Variants in HECTD4 observed in about 807,000 individuals in gnomAD.
HECTD4 encodes HECT domain E3 ubiquitin protein ligase 4.
A neutral mutation model predicts 471.5 loss-of-function variants in HECTD4; 114 were observed. The observed-to-expected ratio is 0.24, with a 90% CI of 0.21 to 0.28. HECTD4 has a LOEUF of 0.28. Among genes scored for constraint, HECTD4 ranks in the 10% least tolerant of loss-of-function variants. The probability of loss-of-function intolerance (pLI) is 1.00; values close to 1 mark genes in which losing one functional copy is unlikely to be tolerated. For synonymous variants in HECTD4, 2,012 were observed against 2,256.0 expected (o/e 0.89, Z 3.07); for missense variants, 3,866 against 5,651.5 (o/e 0.68, Z 10.13).
Position 112,306,234 on chromosome 12 carries a change from C to T in HECTD4, c.1165G>A (p.Val389Met), listed in dbSNP as rs2035268447. 6.5e-7 allele frequency: 1 copy of T among 1,538,886 alleles called. No homozygotes were observed. Among genetic ancestry groups the T allele is most frequent in the Non-Finnish European group, 8.7e-7 (1 of 1,146,162 alleles). The change falls in exon 7 of 76, where the codon GTG (valine) becomes ATG (methionine). Residue 389 changes from valine to methionine, a missense_variant and splice_region_variant. This residue lies in a region of HECTD4 where 440 missense variants were observed against 636.0 expected (regional missense o/e 0.69). Coordinates refer to ENST00000682272, the MANE Select transcript of HECTD4 (RefSeq NM_001388303.1). ...GCTGGCATTGGCACCACCTGGCACACCTGGGCATGAAAGGGAGGAAATCTC... is the reference window on the plus strand; with the variant it reads ...GCTGGCATTGGCACCACCTGGCACATCTGGGCATGAAAGGGAGGAAATCTC... ...FQVIDQNTLQ[V>M]CQVVPMPANH...
chr12:112,212,293 T>G (rs1184722869), intron 49 of HECTD4, among the ~76,000 whole-genome samples, 194 bp downstream of exon 49: 1 of 152,224 alleles, frequency 6.6e-6, no homozygotes, highest in African/African-American at 2.4e-5. Flanking sequence ...TGATATAGCA[T>G]TGTTCAAGCT....
At chr12:112,214,202 T>G (rs11066195) in intron 48 of HECTD4, among the ~76,000 whole-genome samples, 32,174 of 152,022 alleles carry the variant, frequency 0.21, 5,493 homozygotes, top group East Asian at 0.85. Flanking sequence ...CTGGACACTG[T>G]GGTAGGACTT....
chr12:112,328,844 C>T (rs1238147939), intron 1 of HECTD4, among the ~76,000 whole-genome samples: 1 of 152,178 alleles, frequency 6.6e-6, no homozygotes, highest in Admixed American at 6.5e-5. Flanking sequence ...TGAGTTTTAG[C>T]CTCTAACTGG....
At chr12:112,290,245 G>A (rs1035728053) in intron 7 of HECTD4, among the ~76,000 whole-genome samples, 7 of 151,598 alleles carry the variant, frequency 4.6e-5, no homozygotes, top group Admixed American at 6.6e-5. Context: ...ACTTGAGCCC[G>A]GGAGGTTGAG....
At chr12:112,262,544 A>AAAAAAAAAAAAAT in intron 17 of HECTD4, among the ~76,000 whole-genome samples, 1 of 147,664 alleles carries the variant, frequency 6.8e-6, no homozygotes, top group African/African-American at 2.5e-5. Flanking sequence ...AAAAAAAAAG[A>AAAAAAAAAAAAAT]ATCTACTAAG....
chr12:112,198,701 C>T (rs1489107279), intron 55 of HECTD4, among the ~76,000 whole-genome samples: 1 of 152,142 alleles, frequency 6.6e-6, no homozygotes, highest in East Asian at 1.9e-4. Flanking sequence ...AATTCAGATT[C>T]CACCTCACAC....
intron 58 of HECTD4, 39 bp from the exon 59 acceptor site, chr12:112,192,804 A>G (rs1412673347): frequency 1.3e-6 from 2 of 1,493,724 alleles, no homozygotes; most frequent in African/African-American, 1.4e-5. Flanking sequence ...TACAGGGTCT[A>G]GCCATGCACA....
At chr12:112,280,784 CTTTT>C (rs569956040) in intron 8 of HECTD4, among the ~76,000 whole-genome samples, 4 of 115,236 alleles carry the variant, frequency 3.5e-5, no homozygotes, top group Admixed American at 9.1e-5. Context: ...GGAATAAAAA[CTTTT>C]TTTTTTTTTT....
intron 19 of HECTD4, 48 bp from the exon 20 acceptor site, chr12:112,258,644 T>C: frequency 6.7e-7 from 1 of 1,482,042 alleles, no homozygotes; most frequent in South Asian, 1.3e-5. Flanking sequence ...CTGTCAGTTA[T>C]CTGAATGGTA....
At chr12:112,258,902 A>G in intron 19 of HECTD4, 1 of 582,396 alleles carries the variant, frequency 1.7e-6, no homozygotes, top group Non-Finnish European at 2.9e-6. Flanking sequence ...ACTTGCTAAA[A>G]GGTTGCAGTT....
intron 44 of HECTD4, among the ~76,000 whole-genome samples, chr12:112,222,298 C>T (rs1432499716): frequency 1.3e-5 from 2 of 152,130 alleles, no homozygotes; most frequent in Non-Finnish European, 2.9e-5. Context: ...CTCAGGTAAT[C>T]CACCTACCTC....
chr12:112,303,457 G>A (rs1236309306), intron 7 of HECTD4, among the ~76,000 whole-genome samples: 2 of 152,166 alleles, frequency 1.3e-5, no homozygotes, highest in Admixed American at 1.3e-4. Context: ...ATACTGCCTA[G>A]AGTTCATAAA....
At chr12:112,189,062 G>T (rs536355436) in intron 60 of HECTD4, among the ~76,000 whole-genome samples, 1 of 152,244 alleles carries the variant, frequency 6.6e-6, no homozygotes, top group South Asian at 2.1e-4. Flanking sequence ...CAGAGAAAGG[G>T]TCTGGCTATG....
At chr12:112,171,302 G>C in intron 67 of HECTD4, 39 bp from the exon 68 acceptor site, 2 of 1,569,346 alleles carry the variant, frequency 1.3e-6, no homozygotes, top group Non-Finnish European at 1.7e-6. Flanking sequence ...ATCTCGGCCA[G>C]GTGGCTGAGA....
chr12:112,184,471 C>T lies in HECTD4; in HGVS notation c.10495G>A (p.Gly3499Ser). The T allele has an allele frequency of 1.0e-5, 16 of 1,606,304 alleles. No individual in the cohort carries two copies. Among genetic ancestry groups the T allele is most frequent in the Non-Finnish European group, 1.4e-5 (16 of 1,177,138 alleles). The stretch of plus-strand genomic sequence containing the variant: ...AGGTCGCTGACGGTTTGGGAGATGC[C>T]CTGCGAGCTGCAGATGGAGGCCTGG... Reference protein sequence around the residue: ...TSQASICSSQGISQTVSDLSV... With the variant: ...TSQASICSSQSISQTVSDLSV... Residue 3499 changes from glycine to serine, a missense_variant, in exon 61 of 76, where the codon GGC (glycine) becomes AGC (serine). By Grantham distance (56) the Gly-to-Ser change is moderately conservative. Transcript: ENST00000682272. This position sits in a 1 kb window ranked among gnomAD's most constrained non-coding sequence, Gnocchi z 9.1.
chr12:112,377,076 C>A (rs977036823), intron 1 of HECTD4, among the ~76,000 whole-genome samples: 1 of 152,168 alleles, frequency 6.6e-6, no homozygotes, highest in Non-Finnish European at 1.5e-5. Context: ...GGCACTACTG[C>A]ATTCCAGCCT....
chr12:112,235,010 C>CTTA lies in HECTD4; in HGVS notation c.5915+64_5915+66dup. 1 of 1,439,828 alleles carries CTTA rather than the reference C, an allele frequency of 6.9e-7. No individual in the cohort carries two copies. Among genetic ancestry groups the CTTA allele is most frequent in the Non-Finnish European group, 9.4e-7 (1 of 1,059,132 alleles). 89.2% of individuals were successfully genotyped at this position (1,439,828 alleles called of 1,614,324 possible). The stretch of plus-strand genomic sequence containing the variant: ...GCAGTCGATACATGTACAGGGCTTA[C>CTTA]TTAGCACAGTGCCTGTGACATGGGT... On this transcript the variant is annotated intron_variant, in intron 37 of 75. Coordinates refer to ENST00000682272, the MANE Select transcript of HECTD4 (RefSeq NM_001388303.1). This position sits in a 1 kb window ranked among gnomAD's most constrained non-coding sequence, Gnocchi z 5.0.
chr12:112,194,997 G>A lies in HECTD4; in HGVS notation c.8637C>T (p.Ala2879=). ...GAGTGAACAAGTGAGGCAACTTCGG[G>A]GCGAAGATATTGAGCAGGGCCATGC... The part of the protein sequence containing the change: ...YCRMALLNIF[A]PKLPHLFTRL... Residue 2879 remains alanine, a synonymous_variant, in exon 56 of 76, where the codon GCC becomes GCT. Transcript: ENST00000682272. The surrounding 1 kb of genome is among the most constrained non-coding windows in gnomAD (Gnocchi z 4.6). 1 of 1,611,398 alleles carries A rather than the reference G, an allele frequency of 6.2e-7. No homozygotes were observed. Among genetic ancestry groups the A allele is most frequent in the Non-Finnish European group, 8.5e-7 (1 of 1,178,916 alleles).
intron 2 of HECTD4, among the ~76,000 whole-genome samples, chr12:112,316,851 T>C (rs962093118): frequency 4.0e-5 from 6 of 150,326 alleles, no homozygotes; most frequent in African/African-American, 1.5e-4. Flanking sequence ...GTAGGAACCA[T>C]GTTAAAAAAA....
Sources: allele counts gnomAD v4.1 joint callset (sites outside exome capture counted in the v4.1 genomes callset), GRCh38; gene constraint gnomAD v4.1.1; regional missense constraint gnomAD v4.1.1; non-coding constraint Gnocchi (gnomAD v3.1); transcripts MANE v1.5; gene names NCBI Gene and HGNC (gene_info 2026-07-23, HGNC 2026-07-21).